The following MAPK10 variants were observed in gnomAD, a reference collection of about 807,000 sequenced individuals.
The protein encoded by MAPK10 is JNK3 alpha protein kinase.
In MAPK10, 25 loss-of-function variants were observed where a neutral mutation model predicts 59.3. The observed-to-expected ratio is 0.42, with a 90% CI of 0.31 to 0.59. The LOEUF is 0.59. Ranked by LOEUF, MAPK10 falls within the 20% of genes least tolerant of loss-of-function variation. MAPK10 has a pLI of 0.15. For missense variants in MAPK10, 351 were observed against 568.9 expected (o/e 0.62, Z 3.90); for synonymous variants, 190 against 200.5 (o/e 0.95, Z 0.44).
intron 2 of MAPK10, among the ~76,000 whole-genome samples, chr4:86,274,499 C>G (rs948526903): frequency 1.3e-5 from 2 of 151,788 alleles, no homozygotes; most frequent in African/African-American, 4.8e-5. Flanking sequence ...CCTCAGCTTT[C>G]TCGCCTCTCA....
At chr4:86,439,978 T>C (rs1391389837) in intron 1 of MAPK10, among the ~76,000 whole-genome samples, 1 of 152,168 alleles carries the variant, frequency 6.6e-6, no homozygotes. Context: ...ATAAAAACAT[T>C]TAAGGGAAAT....
chr4:86,563,754 G>A (rs1028165183), intron 1 of MAPK10, among the ~76,000 whole-genome samples: 1 of 152,116 alleles, frequency 6.6e-6, no homozygotes, highest in African/African-American at 2.4e-5. Context: ...TGGACAAGAG[G>A]ACATTCACAT....
intron 1 of MAPK10, among the ~76,000 whole-genome samples, chr4:86,521,361 C>T (rs1757093959): frequency 6.6e-6 from 1 of 152,118 alleles, no homozygotes; most frequent in African/African-American, 2.4e-5. Flanking sequence ...GCATAGAGCT[C>T]CCAAGAGTTT....
intron 1 of MAPK10, among the ~76,000 whole-genome samples, chr4:86,484,715 G>A (rs766480991): frequency 1.3e-5 from 2 of 151,602 alleles, no homozygotes; most frequent in Non-Finnish European, 2.9e-5. Flanking sequence ...CAGACAAAAT[G>A]TGGGTATTAT....
chr4:86,544,278 T>C (rs571861994), intron 1 of MAPK10, among the ~76,000 whole-genome samples: 24 of 152,274 alleles, frequency 1.6e-4, no homozygotes, highest in South Asian at 6.2e-4. Flanking sequence ...GGAGATAACA[T>C]AGAAAGGATA....
chr4:86,307,426 G>A (rs1273902691), intron 2 of MAPK10, among the ~76,000 whole-genome samples: 1 of 152,118 alleles, frequency 6.6e-6, no homozygotes, highest in Non-Finnish European at 1.5e-5. Flanking sequence ...TTGAACCAGT[G>A]TTATAAAATG....
intron 11 of MAPK10, among the ~76,000 whole-genome samples, chr4:86,048,040 G>A (rs891276749): frequency 6.6e-6 from 1 of 151,982 alleles, no homozygotes; most frequent in Non-Finnish European, 1.5e-5. Flanking sequence ...AGTTGTTGAG[G>A]ATAGTCATCA....
At chr4:86,269,541 C>T (rs2094363304) in intron 2 of MAPK10, among the ~76,000 whole-genome samples, 1 of 152,058 alleles carries the variant, frequency 6.6e-6, no homozygotes, top group Non-Finnish European at 1.5e-5. Context: ...TTGTCTCAGC[C>T]CTCAAGGCCC....
chr4:86,227,121 A>G (rs1257062011), intron 2 of MAPK10, among the ~76,000 whole-genome samples: 1 of 152,040 alleles, frequency 6.6e-6, no homozygotes, highest in Non-Finnish European at 1.5e-5. Context: ...CTCTGACACT[A>G]CTCCCCACTT....
chr4:86,146,932 A>G (rs2065154103), intron 4 of MAPK10, among the ~76,000 whole-genome samples: 1 of 152,202 alleles, frequency 6.6e-6, no homozygotes, highest in Admixed American at 6.5e-5. Flanking sequence ...GGTCCTTTCT[A>G]TTCAACTTTA....
At chr4:86,280,553 A>C (rs1234618331) in intron 2 of MAPK10, among the ~76,000 whole-genome samples, 1 of 152,198 alleles carries the variant, frequency 6.6e-6, no homozygotes, top group Non-Finnish European at 1.5e-5. Flanking sequence ...GAGATTTCTC[A>C]AAAAACTAAA....
chr4:86,205,694 C>A (rs954359806), intron 2 of MAPK10, among the ~76,000 whole-genome samples: 1 of 151,696 alleles, frequency 6.6e-6, no homozygotes, highest in African/African-American at 2.4e-5. Context: ...ATATATTTAA[C>A]ACATTAAAAA....
intron 1 of MAPK10, among the ~76,000 whole-genome samples, chr4:86,585,842 C>G (rs979553977): frequency 2.0e-5 from 3 of 152,092 alleles, no homozygotes; most frequent in Non-Finnish European, 4.4e-5. Context: ...TCAAGACAAT[C>G]GACTTAAAAA....
chr4:86,520,618 CAG>C (rs969071075), intron 1 of MAPK10, among the ~76,000 whole-genome samples: 2 of 152,052 alleles, frequency 1.3e-5, no homozygotes. Context: ...TCTGGCAATT[CAG>C]AGATTTCTTC....
intron 2 of MAPK10, among the ~76,000 whole-genome samples, chr4:86,307,026 C>A (rs960466253): frequency 4.6e-5 from 7 of 152,012 alleles, no homozygotes; most frequent in Admixed American, 4.6e-4. Flanking sequence ...AACCAAGTAG[C>A]ATAAGAAGAG....
intron 13 of MAPK10, chr4:86,023,841 AT>A (rs1170908777): frequency 7.4e-6 from 1 of 135,772 alleles, no homozygotes; most frequent in Non-Finnish European, 1.5e-5. Flanking sequence ...ATATATATAT[AT>A]ATATATATAA....
At chr4:86,140,165 C>T (rs1179038062) in intron 4 of MAPK10, among the ~76,000 whole-genome samples, 1 of 138,880 alleles carries the variant, frequency 7.2e-6, no homozygotes, top group Non-Finnish European at 1.5e-5. Flanking sequence ...CCATTTGACA[C>T]AGCCATCCCA....
Position 86,527,723 on chromosome 4 carries a change from C to T in MAPK10, c.-263+66187G>A, listed in dbSNP as rs182817123. ...GACACATGCACTTGTGTGTTCATCACAGCACTATTCACAATAACAAAGACA... is the reference window on the plus strand; with the variant it reads ...GACACATGCACTTGTGTGTTCATCATAGCACTATTCACAATAACAAAGACA... On this transcript the variant is annotated intron_variant, in intron 1 of 4. Transcript: ENST00000502302. Among the ~76,000 whole-genome samples the T allele has an allele frequency of 4.8e-4, 73 of 152,322 alleles. 1 individual carries two copies. The highest frequency in any genetic ancestry group is 1.8e-3 in the Admixed American group (27 of 15,304).
intron 1 of MAPK10, among the ~76,000 whole-genome samples, chr4:86,568,878 G>C (rs1375020171): frequency 5.3e-5 from 8 of 151,954 alleles, no homozygotes; most frequent in African/African-American, 1.9e-4. Context: ...CTGGACATTG[G>C]TCTGGGCTAA....
Sources: allele counts gnomAD v4.1 joint callset (sites outside exome capture counted in the v4.1 genomes callset), GRCh38; gene constraint gnomAD v4.1.1; transcripts MANE v1.5; gene names NCBI Gene and HGNC (gene_info 2026-07-23, HGNC 2026-07-21).